FBXO36: variants seen among roughly 807,000 people sequenced by gnomAD.
FBXO36 encodes the protein F-box protein 36.
A neutral mutation model predicts 17.0 loss-of-function variants in FBXO36; 18 were observed. The observed-to-expected ratio is 1.06, with a 90% CI of 0.73 to 1.57. The LOEUF is 1.57. Ranked by LOEUF, FBXO36 falls within the 40% of genes most tolerant of loss-of-function variation. The probability of loss-of-function intolerance (pLI) is 0.00; values close to 1 mark genes in which losing one functional copy is unlikely to be tolerated. For missense variants in FBXO36, 229 were observed against 221.9 expected, an observed-to-expected ratio of 1.03 and a Z score of -0.20; for synonymous variants, 83 against 85.3, an observed-to-expected ratio of 0.97 and a Z score of 0.15.
chr2:229,973,206 T>G (rs1577349106), intron 1 of FBXO36: 1 of 92,084 alleles, frequency 1.1e-5, no homozygotes, highest in South Asian at 4.0e-4. Context: ...CTCTCAACGA[T>G]TTTTTTAAAG....
intron 1 of FBXO36, among the ~76,000 whole-genome samples, chr2:229,933,581 C>T (rs1458545879): frequency 2.0e-5 from 3 of 152,118 alleles, no homozygotes; most frequent in Admixed American, 6.6e-5. Flanking sequence ...CATCATGAGC[C>T]GGGTGCAGGG....
At chr2:229,943,400 T>C (rs1235042600) in intron 1 of FBXO36, 2 of 152,294 alleles carry the variant, frequency 1.3e-5, no homozygotes, top group African/African-American at 2.4e-5. Context: ...GCAGGCCAGA[T>C]GTCACTTGCA....
chr2:229,926,752 T>G (rs1217203892), intron 1 of FBXO36, among the ~76,000 whole-genome samples: 2 of 151,814 alleles, frequency 1.3e-5, no homozygotes, highest in Non-Finnish European at 2.9e-5. Flanking sequence ...AAAAAAATAC[T>G]GTTATTCTTA....
chr2:229,931,967 A>C (rs1042408931), intron 1 of FBXO36, among the ~76,000 whole-genome samples: 2 of 143,138 alleles, frequency 1.4e-5, no homozygotes, highest in Admixed American at 7.4e-5. Flanking sequence ...CCTAAGCTGG[A>C]GTGCAGTGGT....
At chr2:229,989,206 C>G (rs1020238406) in intron 2 of FBXO36, among the ~76,000 whole-genome samples, 2 of 152,108 alleles carry the variant, frequency 1.3e-5, no homozygotes, top group African/African-American at 4.8e-5. Flanking sequence ...ACATTCAGAT[C>G]ATTTTGTGGT....
At chr2:229,981,477 A>T (rs2077239325) in intron 2 of FBXO36, among the ~76,000 whole-genome samples, 1 of 151,906 alleles carries the variant, frequency 6.6e-6, no homozygotes, top group Non-Finnish European at 1.5e-5. Context: ...TGCCAGGCTT[A>T]AGCGGATCAC....
Position 229,999,102 on chromosome 2 carries a change from A to G in FBXO36, c.378+2179A>G, listed in dbSNP as rs1412165492. ...CAAGCGTGAGCCACCGCGCCTGGCC[A>G]AAAATAATTTTAAGTAATGTAATTT... On this transcript the variant is annotated intron_variant, in intron 3 of 3. Transcript: ENST00000283946. 2.2e-5 allele frequency among the ~76,000 whole-genome samples: 3 copies of G among 136,614 alleles called. No individual in the cohort carries two copies. In the East Asian group the frequency reaches 6.6e-4, roughly 30 times the overall value. The allele number at this position is 136,614 out of a possible 152,430, so 89.6% of individuals were successfully genotyped here.
intron 1 of FBXO36, chr2:229,939,037 C>T (rs1354210179): frequency 6.5e-6 from 1 of 153,418 alleles, no homozygotes; most frequent in Non-Finnish European, 1.4e-5. Context: ...ACAGATACAC[C>T]TTTTTTTTGG....
At chr2:229,968,370 TA>T in intron 1 of FBXO36, among the ~76,000 whole-genome samples, 1 of 152,338 alleles carries the variant, frequency 6.6e-6, no homozygotes, top group South Asian at 2.1e-4. Context: ...TTTGACAAAT[TA>T]AAATCTCAAA....
chr2:229,936,695 C>CTT (rs1234560880), intron 1 of FBXO36, among the ~76,000 whole-genome samples: 1 of 151,916 alleles, frequency 6.6e-6, no homozygotes, highest in Non-Finnish European at 1.5e-5. Flanking sequence ...AAAGAGAGAC[C>CTT]TTGTCTCTAC....
chr2:229,940,798 A>G (rs1445002249), intron 1 of FBXO36, among the ~76,000 whole-genome samples: 1 of 152,176 alleles, frequency 6.6e-6, no homozygotes, highest in African/African-American at 2.4e-5. Context: ...TGGCCTTAGT[A>G]ACACCGCGAT....
At chr2:229,976,579 G>T (rs969133011) in intron 2 of FBXO36, 2 of 342,014 alleles carry the variant, frequency 5.8e-6, no homozygotes, top group Non-Finnish European at 1.1e-5. Context: ...CCAACACTTT[G>T]GGAGGCCGAG....
chr2:229,927,785 TA>T (rs371358762), intron 1 of FBXO36, among the ~76,000 whole-genome samples: 12 of 151,202 alleles, frequency 7.9e-5, no homozygotes, highest in African/African-American at 2.9e-4. Context: ...CTCACCCCTC[TA>T]AAAAAAATGG....
intron 2 of FBXO36, among the ~76,000 whole-genome samples, chr2:229,988,238 G>C (rs886348339): frequency 3.3e-5 from 5 of 152,064 alleles, no homozygotes; most frequent in Non-Finnish European, 7.4e-5. Context: ...CATCTCAAAA[G>C]TATAGAAAAT....
intron 1 of FBXO36, among the ~76,000 whole-genome samples, chr2:229,938,434 G>A (rs1443219303): frequency 6.8e-6 from 1 of 146,656 alleles, no homozygotes; most frequent in East Asian, 2.0e-4. Flanking sequence ...TGGCGTTGTA[G>A]AGATGGCGTG....
At chr2:229,926,456 AT>A (rs2076912790) in intron 1 of FBXO36, among the ~76,000 whole-genome samples, 1 of 151,408 alleles carries the variant, frequency 6.6e-6, no homozygotes, top group Non-Finnish European at 1.5e-5. Flanking sequence ...AATAAATAAG[AT>A]TTACTTGGCC....
chr2:229,991,809 G>A (rs1217809842), intron 2 of FBXO36, among the ~76,000 whole-genome samples: 1 of 152,168 alleles, frequency 6.6e-6, no homozygotes, highest in Non-Finnish European at 1.5e-5. Context: ...ACACTGTTAA[G>A]CTTCATGAAA....
chr2:229,969,445 C>T (rs1420971624), intron 1 of FBXO36, among the ~76,000 whole-genome samples: 3 of 151,506 alleles, frequency 2.0e-5, no homozygotes, highest in Non-Finnish European at 4.4e-5. Context: ...TCCCAGCACT[C>T]TGGGAGGCTG....
At chr2:229,993,600 T>C (rs1212883645) in intron 2 of FBXO36, among the ~76,000 whole-genome samples, 1 of 152,144 alleles carries the variant, frequency 6.6e-6, no homozygotes, top group African/African-American at 2.4e-5. Flanking sequence ...CAGAATGGAG[T>C]TTGTTTTAAT....
Sources: gnomAD v4.1 joint callset for allele counts (sites outside exome capture counted in the v4.1 genomes callset) on GRCh38, gnomAD v4.1.1 for gene constraint, MANE v1.5 for transcripts, NCBI Gene and HGNC (gene_info 2026-07-23, HGNC 2026-07-21) for gene names.